Variants in DENND1A observed in about 807,000 individuals in gnomAD.
DENND1A encodes the protein DENN domain containing 1A.
In DENND1A, 51 loss-of-function variants were observed where a neutral mutation model predicts 113.7. That is an observed-to-expected ratio of 0.45 (90% CI 0.36 to 0.57). DENND1A has a LOEUF of 0.57. Ranked by LOEUF, DENND1A falls within the 20% of genes least tolerant of loss-of-function variation. DENND1A has a pLI of 0.00. For missense variants in DENND1A, 1,258 were observed against 1,395.9 expected (o/e 0.90, Z 1.57); for synonymous variants, 565 against 570.8 (o/e 0.99, Z 0.14).
At chr9:123,384,934 C>G (rs986036120) in intron 22 of DENND1A, among the ~76,000 whole-genome samples, 1 of 151,966 alleles carries the variant, frequency 6.6e-6, no homozygotes, top group Non-Finnish European at 1.5e-5. Flanking sequence ...GGCGACAGAG[C>G]GAGACCCTGT....
Position 123,620,831 on chromosome 9 carries a change from G to A in DENND1A, c.719+9545C>T, listed in dbSNP as rs754418777. 4.7e-5 allele frequency among the ~76,000 whole-genome samples: 7 copies of A among 150,520 alleles called. No individual in the cohort carries two copies. In the South Asian group the frequency reaches 1.3e-3, roughly 27 times the overall value. ...ACAGTGGCACCATTCCACTCTTGGC[G>A]TCTTGCTGCTTCTTAGCTTAAAAAA... On this transcript the variant is annotated intron_variant, in intron 10 of 23. Coordinates refer to ENST00000394215, the MANE Select transcript of DENND1A (RefSeq NM_001352964.2).
rs369517679 is a variant in DENND1A at position 123,705,552 on chromosome 9, T to C, written c.303-28763A>G. Among the ~76,000 whole-genome samples the C allele has an allele frequency of 4.6e-5, 7 of 152,216 alleles. No individual in the cohort carries two copies. In the South Asian group the frequency reaches 1.5e-3, roughly 32 times the overall value. ...GAGAACAGAAAAATGTAATTAAAAATATATGCCATTTATAGAACCCGTAAA... is the reference window on the plus strand; with the variant it reads ...GAGAACAGAAAAATGTAATTAAAAACATATGCCATTTATAGAACCCGTAAA... On this transcript the variant is annotated intron_variant, in intron 5 of 23. Transcript: ENST00000394215.
intron 13 of DENND1A, among the ~76,000 whole-genome samples, chr9:123,505,439 C>T (rs1420688994): frequency 6.6e-6 from 1 of 152,148 alleles, no homozygotes; most frequent in Non-Finnish European, 1.5e-5. Flanking sequence ...GGCATGTAGG[C>T]AACATAGCTT....
chr9:123,646,457 A>G (rs2062335341), intron 9 of DENND1A, among the ~76,000 whole-genome samples: 1 of 152,170 alleles, frequency 6.6e-6, no homozygotes. Context: ...TGGCATGCTC[A>G]TAAGAATGTG....
chr9:123,849,935 C>A (rs1843100457), intron 2 of DENND1A, among the ~76,000 whole-genome samples: 1 of 152,162 alleles, frequency 6.6e-6, no homozygotes, highest in Admixed American at 6.6e-5. Flanking sequence ...GAAAATGGGA[C>A]TGAATTGCTG....
intron 13 of DENND1A, among the ~76,000 whole-genome samples, chr9:123,499,952 C>T (rs2052324318): frequency 1.3e-5 from 2 of 152,318 alleles, no homozygotes; most frequent in Middle Eastern, 3.4e-3. Flanking sequence ...CCGAATGAAT[C>T]GATGAGCAAG....
At chr9:123,785,452 C>T (rs7034148) in intron 3 of DENND1A, among the ~76,000 whole-genome samples, 3,573 of 152,074 alleles carry the variant, frequency 0.023, 145 homozygotes, top group African/African-American at 0.082. Flanking sequence ...TTACTAGTAA[C>T]AACACGGGGA....
intron 20 of DENND1A, among the ~76,000 whole-genome samples, chr9:123,409,914 A>T (rs1160979766): frequency 6.6e-6 from 1 of 152,076 alleles, no homozygotes; most frequent in African/African-American, 2.4e-5. Flanking sequence ...ACACAGTGAA[A>T]CCCCGTCTCT....
chr9:123,816,817 A>G (rs1001798193), intron 2 of DENND1A, among the ~76,000 whole-genome samples: 1 of 152,236 alleles, frequency 6.6e-6, no homozygotes, highest in Non-Finnish European at 1.5e-5. Context: ...GAAAGGGTTA[A>G]AGGAACATAG....
At chr9:123,632,123 T>C (rs912615105) in intron 9 of DENND1A, among the ~76,000 whole-genome samples, 1 of 152,160 alleles carries the variant, frequency 6.6e-6, no homozygotes, top group African/African-American at 2.4e-5. Context: ...TGAACAGCTT[T>C]AAATTGGATA....
chr9:123,508,295 G>T (rs760058652), intron 13 of DENND1A, among the ~76,000 whole-genome samples: 14 of 152,222 alleles, frequency 9.2e-5, no homozygotes, highest in Non-Finnish European at 1.3e-4. Flanking sequence ...AAATTCCACT[G>T]TGTCTTTGCC....
In DENND1A at chr9:123,380,278, A is replaced by G. The variant is rs1452182610; in HGVS notation, c.*1154T>C. 1 of 152,516 alleles carries G rather than the reference A, an allele frequency of 6.6e-6. No individual in the cohort carries two copies. The highest frequency in any genetic ancestry group is 1.5e-5 in the Non-Finnish European group (1 of 68,050). 9.4% of individuals were successfully genotyped at this position (152,516 alleles called of 1,614,324 possible). A position where few individuals can be genotyped will look rare whatever the true frequency, so the allele number is the denominator to read the frequency against. On this transcript the variant is annotated 3_prime_UTR_variant, in exon 24 of 24. Transcript: ENST00000394215. ...AATGAATCCATTTCAAGATTCATCA[A>G]ATCAATAAGGTAAAAAGGAAAAAGA... is the stretch of plus-strand genomic sequence containing the variant.
At chr9:123,911,725 C>T (rs1290141934) in intron 1 of DENND1A, among the ~76,000 whole-genome samples, 3 of 150,660 alleles carry the variant, frequency 2.0e-5, no homozygotes, top group Admixed American at 1.3e-4. Flanking sequence ...CGGAGTCTTG[C>T]TCTCGCCTAG....
At chr9:123,811,220 AG>A (rs1836543297) in intron 2 of DENND1A, among the ~76,000 whole-genome samples, 1 of 152,316 alleles carries the variant, frequency 6.6e-6, no homozygotes, top group African/African-American at 2.4e-5. Flanking sequence ...ATGCCAAAAA[AG>A]GGATGCAAAT....
chr9:123,723,009 C>G (rs1029118218), intron 5 of DENND1A, among the ~76,000 whole-genome samples: 1 of 152,240 alleles, frequency 6.6e-6, no homozygotes, highest in Non-Finnish European at 1.5e-5. Context: ...AATACCAGCC[C>G]ATGAAAGCAG....
At chr9:123,866,779 A>C (rs1845848804) in intron 2 of DENND1A, among the ~76,000 whole-genome samples, 2 of 152,250 alleles carry the variant, frequency 1.3e-5, no homozygotes, top group South Asian at 4.1e-4. Flanking sequence ...GTCCCACTTA[A>C]ACAATGGGCA....
At chr9:123,403,327 C>G (rs994343073) in intron 21 of DENND1A, 75 bp downstream of exon 21, 2 of 1,509,412 alleles carry the variant, frequency 1.3e-6, no homozygotes, top group African/African-American at 2.7e-5. Flanking sequence ...CGGGGCTACA[C>G]GCTTGGGCTT....
At chr9:123,757,271 G>C (rs998386837) in intron 5 of DENND1A, among the ~76,000 whole-genome samples, 5 of 152,152 alleles carry the variant, frequency 3.3e-5, no homozygotes, top group African/African-American at 1.2e-4. Flanking sequence ...CGACCCAAAG[G>C]GGGCAAGGGT....
chr9:123,632,450 C>G (rs1366034123), intron 9 of DENND1A, among the ~76,000 whole-genome samples: 1 of 152,116 alleles, frequency 6.6e-6, no homozygotes, highest in Non-Finnish European at 1.5e-5. Flanking sequence ...ATGAAAAGTC[C>G]TTGCTGGTGT....
Sources: allele counts gnomAD v4.1 joint callset (sites outside exome capture counted in the v4.1 genomes callset), GRCh38; gene constraint gnomAD v4.1.1; transcripts MANE v1.5; gene names NCBI Gene and HGNC (gene_info 2026-07-23, HGNC 2026-07-21).